ANKS3: variants seen among roughly 807,000 people sequenced by gnomAD.
ANKS3 encodes the protein ankyrin repeat and sterile alpha motif domain containing 3.
Under a neutral mutation model 80.7 loss-of-function variants are expected in ANKS3, and 62 were observed. The observed-to-expected ratio is 0.77, with a 90% confidence interval of 0.63 to 0.95. The LOEUF (loss-of-function observed/expected upper bound fraction) is 0.95, where lower values mean the gene tolerates loss of function less well. ANKS3 is among the 40% of genes least tolerant of loss of function. ANKS3 has a pLI of 0.00. For synonymous variants in ANKS3, 489 were observed against 355.3 expected, an observed-to-expected ratio of 1.38 and a Z score of -4.23; for missense variants, 1,150 against 883.6, an observed-to-expected ratio of 1.30 and a Z score of -3.82.
chr16:4,699,203 G>C (rs199645899), intron 11 of ANKS3, 27 bp from the exon 12 acceptor site: 1 of 1,612,662 alleles, frequency 6.2e-7, no homozygotes, highest in East Asian at 2.2e-5. Flanking sequence ...ACAGGTTGGG[G>C]GAGGTAGTGG....
In ANKS3 at chr16:4,725,498, TTTTC is replaced by T. The variant is rs1440046509; in HGVS notation, c.492-671_492-668del. Among the ~76,000 whole-genome samples the T allele has an allele frequency of 2.7e-4, 41 of 152,338 alleles. 1 individual carries two copies. Among genetic ancestry groups the T allele is most frequent in the African/African-American group, 9.4e-4 (39 of 41,584 alleles). On this transcript the variant is annotated intron_variant, in intron 5 of 17. Coordinates refer to ENST00000304283, the MANE Select transcript of ANKS3 (RefSeq NM_133450.4). ...GTTGAATGTTAATTAGTAGCATATT[TTTTC>T]TTTCTTAGTGGCATACAAAATTATC...
chr16:4,717,680 G>C (rs185599816), intron 6 of ANKS3: 15 of 152,280 alleles, frequency 9.9e-5, no homozygotes, highest in African/African-American at 3.4e-4. Flanking sequence ...TTGTTTTTGA[G>C]GCAGAATCTC....
In ANKS3 at chr16:4,702,212, A is replaced by G. The variant is rs750789041; in HGVS notation, c.899T>C (p.Phe300Ser). 7 of 1,587,318 alleles carry G rather than the reference A, an allele frequency of 4.4e-6. No homozygotes were observed. The African/African-American group carries it at 9.6e-5, about 22-fold the overall frequency. ...CAGGGGGTTCTCGCCACTGCTGTTG[A>G]AGGTGACATAGCCACGGGGAGGAGC... is the stretch of plus-strand genomic sequence containing the variant. ...EQAPPRGYVT[F>S]NSSGENPLEE... Residue 300 changes from phenylalanine to serine, a missense_variant, in exon 9 of 18, where the codon TTC becomes TCC. Transcript: ENST00000304283.
At position 4,734,066 on chromosome 16, in the gene ANKS3, G is replaced by T. The variant is rs2081818755; in HGVS notation, c.-199C>A. ...GGGCTCGGTCCTCCAGTCACGCGGC[G>T]AGCAAGTGCAGCGCGGGACGCCCGA... On this transcript the variant is annotated 5_prime_UTR_variant, in exon 1 of 18. Coordinates refer to ENST00000304283, the MANE Select transcript of ANKS3 (RefSeq NM_133450.4). 1.0e-6 allele frequency: 1 copy of T among 975,266 alleles called. No individual in the cohort carries two copies. Among genetic ancestry groups the T allele is most frequent in the Non-Finnish European group, 1.2e-6 (1 of 820,590 alleles). The allele number at this position is 975,266 out of a possible 1,614,324, so 60.4% of individuals were successfully genotyped here.
At chr16:4,697,704 G>A (rs924081564) in intron 15 of ANKS3, among the ~76,000 whole-genome samples, 6 of 152,332 alleles carry the variant, frequency 3.9e-5, no homozygotes, top group South Asian at 2.1e-4. Context: ...AGTCACTGGC[G>A]GTCTCAGCAC....
At chr16:4,716,439 G>C (rs2080800305) in intron 6 of ANKS3, among the ~76,000 whole-genome samples, 1 of 150,700 alleles carries the variant, frequency 6.6e-6, no homozygotes, top group Non-Finnish European at 1.5e-5. Context: ...TCTCCCGTTA[G>C]ACCAGGGGGC....
At chr16:4,719,892 A>G (rs1179071669) in intron 6 of ANKS3, among the ~76,000 whole-genome samples, 24 of 149,300 alleles carry the variant, frequency 1.6e-4, no homozygotes, top group East Asian at 1.2e-3. Context: ...GGCCAGGCAC[A>G]GTGGCTCACG....
At chr16:4,711,394 C>T (rs986908968) in intron 7 of ANKS3, among the ~76,000 whole-genome samples, 4 of 151,756 alleles carry the variant, frequency 2.6e-5, no homozygotes, top group South Asian at 2.1e-4. Flanking sequence ...TAAGCCACCG[C>T]GCCTGGCCCT....
At chr16:4,710,723 A>G (rs1377895359) in intron 7 of ANKS3, among the ~76,000 whole-genome samples, 2 of 152,148 alleles carry the variant, frequency 1.3e-5, no homozygotes, top group Admixed American at 6.6e-5. Flanking sequence ...AAATAAATCA[A>G]TATTTTCCAT....
intron 14 of ANKS3, 46 bp from the exon 15 acceptor site, chr16:4,698,108 G>A (rs1439744609): frequency 1.8e-5 from 28 of 1,532,418 alleles, no homozygotes; most frequent in Middle Eastern, 1.7e-4. Context: ...AGGCCTGGCC[G>A]CTGCAGAGCC....
Position 4,699,078 on chromosome 16 carries a change from C to A in ANKS3, c.1383G>T (p.Glu461Asp). Residue 461 changes from glutamate to aspartate, a missense_variant, in exon 12 of 18, where the codon GAG (glutamate) becomes GAT (aspartate). By Grantham distance (45) the Glu-to-Asp change is conservative. Transcript: ENST00000304283. Reference protein sequence around the residue: ...VDLRIFLTLTESDLKEIGITL... With the variant: ...VDLRIFLTLTDSDLKEIGITL... ...TGATGCCAATTTCCTTCAGGTCGCT[C>A]TCAGTGAGGGTCAGAAAGATGCGGA... 1 of 1,614,168 alleles carries A rather than the reference C, an allele frequency of 6.2e-7. No individual in the cohort carries two copies. The highest frequency in any genetic ancestry group is 1.7e-5 in the Admixed American group (1 of 60,026).
intron 6 of ANKS3, among the ~76,000 whole-genome samples, chr16:4,721,016 AAAAG>A (rs1400623327): frequency 1.7e-4 from 26 of 149,116 alleles, no homozygotes; most frequent in African/African-American, 6.4e-4. Context: ...AAAAAAAAAA[AAAAG>A]AGAGGCCAGG....
At chr16:4,715,183 T>TTTA (rs914111791) in intron 6 of ANKS3, among the ~76,000 whole-genome samples, 5 of 151,990 alleles carry the variant, frequency 3.3e-5, no homozygotes, top group Non-Finnish European at 7.4e-5. Flanking sequence ...GGCTCATGCC[T>TTTA]GTAATCCCAG....
At chr16:4,700,917 T>G in intron 11 of ANKS3, 53 bp downstream of exon 11, 1 of 1,606,798 alleles carries the variant, frequency 6.2e-7, no homozygotes. Flanking sequence ...GCCTCCTAAG[T>G]CACAAAAAGT....
intron 5 of ANKS3, chr16:4,725,070 G>C (rs2081286838): frequency 2.7e-6 from 1 of 367,228 alleles, no homozygotes; most frequent in Admixed American, 4.7e-5. Context: ...ATGTCTGCCT[G>C]TCGTCCCACC....
In ANKS3 at chr16:4,734,207, C is replaced by G. The variant is rs1412934986; in HGVS notation, c.-340G>C. 1.1e-5 allele frequency: 2 copies of G among 181,158 alleles called. No homozygotes were observed. The highest frequency in any genetic ancestry group is 4.8e-5 in the African/African-American group (2 of 42,090). 11.2% of individuals were successfully genotyped at this position (181,158 alleles called of 1,614,324 possible). A position where few individuals can be genotyped will look rare whatever the true frequency, so the allele number is the denominator to read the frequency against. Reference sequence around the variant, plus strand: ...GCCCTCGGGCTGCCGTCGCCAACCCCCCCCAAACAGCTCGCCGCCACGCTC... The same window carrying G: ...GCCCTCGGGCTGCCGTCGCCAACCCGCCCCAAACAGCTCGCCGCCACGCTC... On this transcript the variant is annotated 5_prime_UTR_variant, in exon 1 of 18. Transcript: ENST00000304283.
intron 5 of ANKS3, 65 bp from the exon 6 acceptor site, chr16:4,724,896 G>A: frequency 1.4e-6 from 2 of 1,478,462 alleles, no homozygotes; most frequent in East Asian, 4.6e-5. Context: ...AAAACTCCCT[G>A]CTGAAGATAA....
intron 6 of ANKS3, among the ~76,000 whole-genome samples, chr16:4,719,976 A>T (rs1466418570): frequency 6.6e-6 from 1 of 150,392 alleles, no homozygotes; most frequent in African/African-American, 2.4e-5. Flanking sequence ...AGCCTGGCCA[A>T]CATGGTGAAA....
chr16:4,718,570 A>G lies in ANKS3; in HGVS notation c.574-4384T>C, dbSNP rs538237019. The stretch of plus-strand genomic sequence containing the variant: ...TTCTCTACCTCCAGAAATGGAGCCC[A>G]GCTCTGGAGGGACAGGCTGGGAAAC... On this transcript the variant is annotated intron_variant, in intron 6 of 17. Coordinates refer to ENST00000304283, the MANE Select transcript of ANKS3 (RefSeq NM_133450.4). Among the ~76,000 whole-genome samples, 8 of 152,362 alleles carry G rather than the reference A, an allele frequency of 5.3e-5. No individual in the cohort carries two copies. The South Asian group carries it at 1.7e-3, about 32-fold the overall frequency.
Sources: gnomAD v4.1 joint callset for allele counts (sites outside exome capture counted in the v4.1 genomes callset) on GRCh38, gnomAD v4.1.1 for gene constraint, MANE v1.5 for transcripts, NCBI Gene and HGNC (gene_info 2026-07-23, HGNC 2026-07-21) for gene names.